Variants in ZMIZ1 observed in about 807,000 individuals in gnomAD.
ZMIZ1 encodes the protein zinc finger MIZ-type containing 1.
ZMIZ1 carries 17 observed loss-of-function variants against 113.9 expected under a neutral mutation model. That is an observed-to-expected ratio of 0.15 (90% CI 0.10 to 0.22). The LOEUF is 0.22. Ranked by LOEUF, ZMIZ1 falls within the 10% of genes least tolerant of loss-of-function variation. ZMIZ1 has a pLI of 1.00. For missense variants in ZMIZ1, 1,059 were observed against 1,477.8 expected, an observed-to-expected ratio of 0.72 and a Z score of 4.65; for synonymous variants, 607 against 603.1, an observed-to-expected ratio of 1.01 and a Z score of -0.09.
intron 4 of ZMIZ1, among the ~76,000 whole-genome samples, chr10:79,181,465 G>A (rs1034562024): frequency 6.6e-6 from 1 of 152,224 alleles, no homozygotes; most frequent in Non-Finnish European, 1.5e-5. Flanking sequence ...GCACCTCCTT[G>A]GGGCGGAGGC....
At chr10:79,230,255 T>C (rs1381041010) in intron 7 of ZMIZ1, among the ~76,000 whole-genome samples, 1 of 151,578 alleles carries the variant, frequency 6.6e-6, no homozygotes, top group African/African-American at 2.4e-5. Flanking sequence ...CCCTTTCCCC[T>C]TGGGACCACT....
intron 1 of ZMIZ1, among the ~76,000 whole-genome samples, chr10:79,099,912 G>A (rs1843302275): frequency 6.6e-6 from 1 of 152,080 alleles, no homozygotes; most frequent in African/African-American, 2.4e-5. Context: ...GTCCTAACCG[G>A]TGTGGTTCCC....
At chr10:79,071,490 A>T (rs1589238708) in intron 1 of ZMIZ1, among the ~76,000 whole-genome samples, 1 of 152,148 alleles carries the variant, frequency 6.6e-6, no homozygotes, top group Non-Finnish European at 1.5e-5. Flanking sequence ...TGGCGCTTGT[A>T]CGGTCCCGGG....
chr10:79,233,768 A>G (rs575761283), intron 7 of ZMIZ1, among the ~76,000 whole-genome samples: 65 of 126,244 alleles, frequency 5.1e-4, no homozygotes, highest in African/African-American at 1.9e-3. Flanking sequence ...AAAAGCCCAA[A>G]GATTGGTAGG....
chr10:79,088,615 A>T (rs1018291418), intron 1 of ZMIZ1, among the ~76,000 whole-genome samples: 3 of 152,040 alleles, frequency 2.0e-5, no homozygotes, highest in African/African-American at 7.2e-5. Flanking sequence ...TACAGGCTTT[A>T]AGCAGAGGCT....
At chr10:79,119,587 G>A (rs1370348089) in intron 2 of ZMIZ1, among the ~76,000 whole-genome samples, 1 of 152,184 alleles carries the variant, frequency 6.6e-6, no homozygotes, top group Admixed American at 6.5e-5. Flanking sequence ...GCCACTGCCC[G>A]CTGGCCTACT....
At chr10:79,149,870 A>C (rs992565623) in intron 3 of ZMIZ1, among the ~76,000 whole-genome samples, 3 of 152,220 alleles carry the variant, frequency 2.0e-5, no homozygotes, top group African/African-American at 7.2e-5. Flanking sequence ...GCTGTGTCTG[A>C]AGTGTGCCCT....
At chr10:79,243,764 C>T (rs527945071) in intron 7 of ZMIZ1, 15 of 237,728 alleles carry the variant, frequency 6.3e-5, no homozygotes, top group South Asian at 4.6e-4. Context: ...GAGGGGTCGG[C>T]GCCTGGGCGC....
intron 23 of ZMIZ1, among the ~76,000 whole-genome samples, chr10:79,308,709 C>T (rs1236031170): frequency 6.6e-6 from 1 of 152,134 alleles, no homozygotes; most frequent in Non-Finnish European, 1.5e-5. Context: ...CCCCATGGGG[C>T]TTGTGATTTC....
At chr10:79,187,941 T>C (rs1814093811) in intron 4 of ZMIZ1, among the ~76,000 whole-genome samples, 1 of 152,314 alleles carries the variant, frequency 6.6e-6, no homozygotes, top group Admixed American at 6.5e-5. Context: ...GTCTGATAGA[T>C]CTGGGTTTGG....
rs1230204716 is a variant in ZMIZ1 at position 79,292,062 on chromosome 10, G to T, written c.759-96G>T. 11 of 1,258,056 alleles carry T rather than the reference G, an allele frequency of 8.7e-6. No individual in the cohort carries two copies. The Admixed American group carries it at 1.5e-4, about 18-fold the overall frequency. 77.9% of individuals were successfully genotyped at this position (1,258,056 alleles called of 1,614,324 possible). A position where few individuals can be genotyped will look rare whatever the true frequency, so the allele number is the denominator to read the frequency against. ...AGGCCCCGTCCCCTCTAGGTTCTGGGTACAGCTCCATCATCTCCCTTCCAG... is the reference window on the plus strand; with the variant it reads ...AGGCCCCGTCCCCTCTAGGTTCTGGTTACAGCTCCATCATCTCCCTTCCAG... On this transcript the variant is annotated intron_variant, in intron 10 of 24. Transcript: ENST00000334512.
intron 7 of ZMIZ1, among the ~76,000 whole-genome samples, chr10:79,238,258 G>T (rs753185349): frequency 2.1e-4 from 32 of 152,158 alleles, no homozygotes; most frequent in Non-Finnish European, 3.4e-4. Context: ...GGAGGTGTGG[G>T]GCACCGGGTG....
In ZMIZ1 at chr10:79,293,471, A is replaced by AGCATGGCGGCTG; in HGVS notation, c.1054_1065dup (p.Ala352_Met355dup). 6.4e-7 allele frequency: 1 copy of AGCATGGCGGCTG among 1,566,836 alleles called. No individual in the cohort carries two copies. The highest frequency in any genetic ancestry group is 1.7e-4 in the Middle Eastern group (1 of 5,840). ...CATGGGGGGCAGCATGAACCCCGCG[A>AGCATGGCGGCTG]GCATGGCGGCTGGCATGACGCCCTC... On this transcript the variant is annotated inframe_insertion, in exon 12 of 25. Coordinates refer to ENST00000334512, the MANE Select transcript of ZMIZ1 (RefSeq NM_020338.4).
intron 1 of ZMIZ1, among the ~76,000 whole-genome samples, chr10:79,081,378 A>T (rs956561917): frequency 6.6e-6 from 1 of 152,078 alleles, no homozygotes; most frequent in African/African-American, 2.4e-5. Flanking sequence ...CTGAGACCTG[A>T]CCTGAAAATA....
At chr10:79,281,704 C>T (rs959683447) in intron 8 of ZMIZ1, among the ~76,000 whole-genome samples, 6 of 152,210 alleles carry the variant, frequency 3.9e-5, no homozygotes, top group Non-Finnish European at 5.9e-5. Flanking sequence ...CAGTCGGTTC[C>T]GTGGAGCGAG....
chr10:79,200,491 C>T (rs891676436), intron 4 of ZMIZ1, among the ~76,000 whole-genome samples: 6 of 152,204 alleles, frequency 3.9e-5, no homozygotes, highest in Admixed American at 1.3e-4. Context: ...TGGCCCTGAG[C>T]ACTCCCTTCT....
intron 1 of ZMIZ1, among the ~76,000 whole-genome samples, chr10:79,071,967 G>T (rs1172684218): frequency 6.6e-6 from 1 of 151,686 alleles, no homozygotes; most frequent in Non-Finnish European, 1.5e-5. Context: ...CAGTGACTGG[G>T]GGTGGGGGCT....
intron 18 of ZMIZ1, among the ~76,000 whole-genome samples, chr10:79,303,285 C>CT (rs1564602001): frequency 6.6e-6 from 1 of 151,726 alleles, no homozygotes; most frequent in Non-Finnish European, 1.5e-5. Context: ...GAGAGCCTGT[C>CT]TCTACAGAAA....
intron 5 of ZMIZ1, among the ~76,000 whole-genome samples, chr10:79,204,847 A>G (rs1475927270): frequency 2.6e-5 from 4 of 151,392 alleles, no homozygotes; most frequent in Admixed American, 2.0e-4. Flanking sequence ...GACTGGATAA[A>G]TTAACTTCTG....
Sources: gnomAD v4.1 joint callset for allele counts (sites outside exome capture counted in the v4.1 genomes callset) on GRCh38, gnomAD v4.1.1 for gene constraint, MANE v1.5 for transcripts, NCBI Gene and HGNC (gene_info 2026-07-23, HGNC 2026-07-21) for gene names.